NCAPD3: variants seen among roughly 807,000 people sequenced by gnomAD.
NCAPD3 encodes non-SMC condensin II complex subunit D3.
In NCAPD3, 105 loss-of-function variants were observed where a neutral mutation model predicts 182.9. That is an observed-to-expected ratio of 0.57 (90% CI 0.49 to 0.68). NCAPD3 has a LOEUF of 0.68. NCAPD3 is among the 30% of genes least tolerant of loss of function. NCAPD3 has a pLI of 0.00. For missense variants in NCAPD3, 1,944 were observed against 1,837.0 expected (o/e 1.06, Z -1.07); for synonymous variants, 815 against 679.9 (o/e 1.20, Z -3.09).
At position 134,204,823 on chromosome 11, in the gene NCAPD3, TCACACA is replaced by T. The variant is rs146098679; in HGVS notation, c.1089+70_1089+75del. The T allele has an allele frequency of 1.2e-5, 13 of 1,099,452 alleles. No homozygotes were observed. Among genetic ancestry groups the T allele is most frequent in the South Asian group, 1.5e-5 (1 of 66,910 alleles). The allele number at this position is 1,099,452 out of a possible 1,614,324, so 68.1% of individuals were successfully genotyped here. A position where few individuals can be genotyped will look rare whatever the true frequency, so the allele number is the denominator to read the frequency against. ...CATTCCCAAGAACAAATACCCACAC[TCACACA>T]CACACACACACATTTATCTTCACAC... On this transcript the variant is annotated intron_variant, in intron 9 of 34. Transcript: ENST00000534548. This position sits in a 1 kb window ranked among gnomAD's most constrained non-coding sequence, Gnocchi z 4.3.
At chr11:134,172,123 T>C (rs550190671) in intron 24 of NCAPD3, among the ~76,000 whole-genome samples, 7 of 152,112 alleles carry the variant, frequency 4.6e-5, no homozygotes, top group Non-Finnish European at 1.0e-4. Flanking sequence ...GTGGGCTGGC[T>C]GCTGTTAAGA....
At chr11:134,218,636 C>A (rs529464783) in intron 2 of NCAPD3, among the ~76,000 whole-genome samples, 8 of 152,252 alleles carry the variant, frequency 5.3e-5, no homozygotes, top group African/African-American at 1.7e-4. Context: ...CTTTCTTTTT[C>A]TAATTCCCTA....
intron 27 of NCAPD3, among the ~76,000 whole-genome samples, chr11:134,163,178 G>A (rs534963952): frequency 2.6e-5 from 4 of 152,246 alleles, no homozygotes; most frequent in Admixed American, 6.5e-5. Flanking sequence ...AAGATGACAG[G>A]AAGCCACCAG....
intron 16 of NCAPD3, 53 bp downstream of exon 16, chr11:134,192,636 C>T (rs1944547110): frequency 4.7e-6 from 7 of 1,485,600 alleles, no homozygotes; most frequent in Non-Finnish European, 6.5e-6. Context: ...TTTATTAATA[C>T]AAAGTCCTAC....
intron 2 of NCAPD3, among the ~76,000 whole-genome samples, chr11:134,218,496 C>A (rs1035257823): frequency 2.6e-5 from 4 of 152,206 alleles, no homozygotes; most frequent in African/African-American, 9.7e-5. Flanking sequence ...GATCTCCTGA[C>A]AGAATCTCAA....
At chr11:134,165,553 ACT>A (rs1252609533) in intron 27 of NCAPD3, among the ~76,000 whole-genome samples, 1 of 134,992 alleles carries the variant, frequency 7.4e-6, no homozygotes, top group Non-Finnish European at 1.6e-5. Context: ...GGAGCAGCAC[ACT>A]CACTTGTGAG....
intron 16 of NCAPD3, among the ~76,000 whole-genome samples, chr11:134,189,218 C>T (rs181162249): frequency 6.6e-6 from 1 of 152,154 alleles, no homozygotes; most frequent in African/African-American, 2.4e-5. Flanking sequence ...TTTATTTGTA[C>T]CTTTTTTCTT....
intron 27 of NCAPD3, among the ~76,000 whole-genome samples, chr11:134,162,442 T>G (rs1198595099): frequency 6.6e-6 from 1 of 152,192 alleles, no homozygotes; most frequent in South Asian, 2.1e-4. Context: ...TCTTCACACT[T>G]TACCTTGAAT....
intron 24 of NCAPD3, among the ~76,000 whole-genome samples, chr11:134,172,492 A>C (rs937372590): frequency 2.0e-4 from 31 of 152,090 alleles, no homozygotes; most frequent in Admixed American, 2.0e-3. Flanking sequence ...TTTTCTCCCA[A>C]ACCAGGCCAT....
Position 134,185,002 on chromosome 11 carries a change from T to C in NCAPD3, c.2238-2A>G. 1 of 1,602,190 alleles carries C rather than the reference T, an allele frequency of 6.2e-7. No homozygotes were observed. The highest frequency in any genetic ancestry group is 8.6e-7 in the Non-Finnish European group (1 of 1,169,156). ...GTGTTTGAATTGGGATTCTGCTGAC[T>C]AGAGAAAGGGCAGGAGGAATATGAA... On this transcript the variant is annotated splice_acceptor_variant, in intron 17 of 34. Coordinates refer to ENST00000534548, the MANE Select transcript of NCAPD3 (RefSeq NM_015261.3). LOFTEE classifies it high-confidence loss of function.
intron 30 of NCAPD3, 130 bp downstream of exon 30, chr11:134,158,199 C>A (rs911243111): frequency 6.6e-7 from 1 of 1,518,644 alleles, no homozygotes; most frequent in Admixed American, 1.8e-5. Flanking sequence ...TCCCAGGGCA[C>A]AGTGTGGAGC....
chr11:134,164,875 A>G (rs576881427), intron 27 of NCAPD3, among the ~76,000 whole-genome samples: 36 of 147,888 alleles, frequency 2.4e-4, no homozygotes, highest in Middle Eastern at 3.7e-3. Flanking sequence ...GGAGCTACAT[A>G]CTCACTTGTG....
At chr11:134,176,730 C>G (rs1187118458) in intron 23 of NCAPD3, among the ~76,000 whole-genome samples, 1 of 152,218 alleles carries the variant, frequency 6.6e-6, no homozygotes, top group South Asian at 2.1e-4. Flanking sequence ...ATAGGCCAAA[C>G]ATGGGCTCTC....
At chr11:134,175,731 C>T (rs1295145040) in intron 24 of NCAPD3, among the ~76,000 whole-genome samples, 1 of 151,890 alleles carries the variant, frequency 6.6e-6, no homozygotes, top group Non-Finnish European at 1.5e-5. Flanking sequence ...ATTTCTCAAC[C>T]CCTTGAAAAA....
rs775730942 is a variant in NCAPD3, at chr11:134,157,065, T to C, written c.4205A>G (p.Asn1402Ser). Residue 1402 changes from asparagine to serine, a missense_variant, in exon 32 of 35, where the codon AAT becomes AGT. Around this residue, in one of 3 missense-constraint regions of NCAPD3, gnomAD observed 1,803 missense variants for 1,674.6 expected, o/e 1.08. Transcript: ENST00000534548. ...CTTGGTCACGTGCTCAATCTCGCCATTCGACTCTTGCTCCAAACTGTATGA... is the reference window on the plus strand; with the variant it reads ...CTTGGTCACGTGCTCAATCTCGCCACTCGACTCTTGCTCCAAACTGTATGA... ...VSSYSLEQES[N>S]GEIEHVTKRA... The C allele has an allele frequency of 3.1e-6, 5 of 1,613,678 alleles. No individual in the cohort carries two copies. The East Asian group carries it at 1.1e-4, about 36-fold the overall frequency.
At chr11:134,221,261 T>G (rs1212170046) in intron 1 of NCAPD3, among the ~76,000 whole-genome samples, 1 of 152,192 alleles carries the variant, frequency 6.6e-6, no homozygotes, top group African/African-American at 2.4e-5. Context: ...TAAAACACAC[T>G]GATTGAAAGA....
Position 134,185,450 on chromosome 11 carries a change from A to G in NCAPD3, c.2122T>C (p.Ser708Pro). The G allele has an allele frequency of 6.2e-7, 1 of 1,613,972 alleles. No homozygotes were observed. The highest frequency in any genetic ancestry group is 1.7e-5 in the Admixed American group (1 of 60,008). The change falls in exon 17 of 35, where the codon TCT becomes CCT. Residue 708 changes from serine to proline, a missense_variant. Ser to Pro is a moderately conservative substitution (Grantham distance 74, BLOSUM62 -1). Coordinates refer to ENST00000534548, the MANE Select transcript of NCAPD3 (RefSeq NM_015261.3). ...FSPTFINNVI[S>P]HTGTEHSAPA... ...GCCGAATGTTCCGTGCCAGTGTGAGATATTACATTGTTTATAAAAGTGGGT... is the reference window on the plus strand; with the variant it reads ...GCCGAATGTTCCGTGCCAGTGTGAGGTATTACATTGTTTATAAAAGTGGGT...
intron 3 of NCAPD3, among the ~76,000 whole-genome samples, chr11:134,216,211 A>C (rs145789505): frequency 6.6e-6 from 1 of 152,264 alleles, no homozygotes; most frequent in African/African-American, 2.4e-5. Flanking sequence ...GGCTTTAAAT[A>C]TAAGACCTTT....
intron 24 of NCAPD3, among the ~76,000 whole-genome samples, chr11:134,174,315 C>T (rs980575694): frequency 7.7e-6 from 1 of 129,810 alleles, no homozygotes; most frequent in African/African-American, 3.0e-5. Context: ...CCCAGGAGGT[C>T]GAGGCTGCAG....
Sources: allele counts gnomAD v4.1 joint callset (sites outside exome capture counted in the v4.1 genomes callset), GRCh38; gene constraint gnomAD v4.1.1; regional missense constraint gnomAD v4.1.1; non-coding constraint Gnocchi (gnomAD v3.1); transcripts MANE v1.5; gene names NCBI Gene and HGNC (gene_info 2026-07-23, HGNC 2026-07-21).